LRBA: variants seen among roughly 807,000 people sequenced by gnomAD.
The protein encoded by LRBA is lipopolysaccharide-responsive and beige-like anchor protein.
LRBA carries 176 observed loss-of-function variants against 330.0 expected under a neutral mutation model. That is an observed-to-expected ratio of 0.53 (90% CI 0.47 to 0.60). The LOEUF is 0.60. LRBA is among the 20% of genes least tolerant of loss of function. The pLI, the probability that LRBA is intolerant of heterozygous loss-of-function variation, is 0.00. For missense variants in LRBA, 3,259 were observed against 3,444.8 expected, an observed-to-expected ratio of 0.95 and a Z score of 1.35; for synonymous variants, 1,230 against 1,193.0, an observed-to-expected ratio of 1.03 and a Z score of -0.64.
intron 17 of LRBA, among the ~76,000 whole-genome samples, chr4:150,876,739 A>T (rs562657028): frequency 6.6e-6 from 1 of 152,344 alleles, no homozygotes; most frequent in Admixed American, 6.5e-5. Flanking sequence ...TGTAAGAACA[A>T]CACTTACTAC....
intron 35 of LRBA, among the ~76,000 whole-genome samples, chr4:150,753,620 T>C (rs1202973773): frequency 6.6e-6 from 1 of 152,172 alleles, no homozygotes; most frequent in Non-Finnish European, 1.5e-5. Flanking sequence ...TCACATACAT[T>C]TGGTCTTGGT....
At chr4:150,888,567 T>C (rs1729174274) in intron 17 of LRBA, among the ~76,000 whole-genome samples, 1 of 152,094 alleles carries the variant, frequency 6.6e-6, no homozygotes, top group Non-Finnish European at 1.5e-5. Context: ...AGAGGTAAAA[T>C]ATTAACACTA....
chr4:150,957,540 G>T (rs914085315), intron 2 of LRBA, among the ~76,000 whole-genome samples: 2 of 148,002 alleles, frequency 1.4e-5, no homozygotes, highest in Non-Finnish European at 2.9e-5. Flanking sequence ...TCTGCCCACG[G>T]CCCCTCCCAA....
intron 40 of LRBA, among the ~76,000 whole-genome samples, chr4:150,551,483 A>G (rs1766582873): frequency 6.6e-6 from 1 of 152,078 alleles, no homozygotes; most frequent in Non-Finnish European, 1.5e-5. Context: ...GTCTGAGACC[A>G]GCCTGGGCAA....
At chr4:150,602,460 T>C (rs1774215585) in intron 37 of LRBA, among the ~76,000 whole-genome samples, 1 of 152,268 alleles carries the variant, frequency 6.6e-6, no homozygotes, top group Admixed American at 6.5e-5. Flanking sequence ...ATTTAATAAC[T>C]AGCATATTTA....
At chr4:150,330,910 C>G (rs1291691439) in intron 48 of LRBA, among the ~76,000 whole-genome samples, 2 of 152,100 alleles carry the variant, frequency 1.3e-5, no homozygotes, top group African/African-American at 4.8e-5. Context: ...GGGACAAAAC[C>G]AAGCTTGAGA....
chr4:150,779,221 A>G (rs1297831785), intron 34 of LRBA, among the ~76,000 whole-genome samples: 1 of 152,168 alleles, frequency 6.6e-6, no homozygotes, highest in East Asian at 1.9e-4. Flanking sequence ...TTATTCTTAG[A>G]GACAAATGTT....
intron 36 of LRBA, among the ~76,000 whole-genome samples, chr4:150,696,945 T>C (rs1254598628): frequency 6.7e-6 from 1 of 150,342 alleles, no homozygotes; most frequent in Non-Finnish European, 1.5e-5. Context: ...GCCCAGGAAG[T>C]TGAGGCTGTA....
chr4:150,831,671 C>T (rs1415308989), intron 29 of LRBA, 146 bp downstream of exon 29: 1 of 515,358 alleles, frequency 1.9e-6, no homozygotes, highest in Non-Finnish European at 3.1e-6. Context: ...TAAGCCACAA[C>T]TTTTAGTTAA....
rs147266479 is a variant in LRBA, at chr4:150,828,539, G to C, written c.4812C>G (p.Asp1604Glu). ...SESTSSARRR[D>E]SGIGEETATG... ...TGGCTGTTTCTTCCCCAATGCCTGA[G>C]TCCCTCCTTCGAGCAGATGATGTGC... Residue 1604 changes from aspartate (D) to glutamate (E), a missense_variant, in exon 30 of 57, where the codon GAC becomes GAG. Transcript: ENST00000651943. The C allele has an allele frequency of 3.7e-6, 6 of 1,613,994 alleles. No homozygotes were observed. Among genetic ancestry groups the C allele is most frequent in the Non-Finnish European group, 5.1e-6 (6 of 1,180,016 alleles).
At chr4:150,478,045 G>C (rs528008676) in intron 42 of LRBA, among the ~76,000 whole-genome samples, 1 of 152,098 alleles carries the variant, frequency 6.6e-6, no homozygotes, top group Admixed American at 6.6e-5. Context: ...TTTTGGGAGG[G>C]CAGGGATGTC....
At chr4:150,796,933 C>CCT (rs1420947652) in intron 34 of LRBA, among the ~76,000 whole-genome samples, 4 of 151,790 alleles carry the variant, frequency 2.6e-5, no homozygotes, top group Non-Finnish European at 5.9e-5. Flanking sequence ...TTTATCTAGT[C>CCT]AGCTTTTGAA....
chr4:150,982,502 G>A (rs1740956584), intron 2 of LRBA, among the ~76,000 whole-genome samples: 1 of 151,372 alleles, frequency 6.6e-6, no homozygotes. Flanking sequence ...TTTAAATACA[G>A]TAAGAAGACA....
chr4:150,481,489 T>C (rs758419244), intron 42 of LRBA, among the ~76,000 whole-genome samples: 1 of 152,214 alleles, frequency 6.6e-6, no homozygotes, highest in South Asian at 2.1e-4. Context: ...TGAATATATA[T>C]ATATGTTTCT....
intron 22 of LRBA, among the ~76,000 whole-genome samples, chr4:150,859,004 C>G (rs1259827509): frequency 6.6e-6 from 1 of 152,052 alleles, no homozygotes; most frequent in East Asian, 1.9e-4. Context: ...TTTACCCAAT[C>G]TAAATGGTAG....
intron 37 of LRBA, among the ~76,000 whole-genome samples, chr4:150,641,445 C>T (rs887759684): frequency 2.0e-5 from 3 of 152,102 alleles, no homozygotes; most frequent in African/African-American, 7.2e-5. Context: ...ACACAGGAAT[C>T]ACAACTCTTC....
intron 2 of LRBA, among the ~76,000 whole-genome samples, chr4:150,955,202 T>C (rs1321645831): frequency 6.7e-6 from 1 of 148,276 alleles, no homozygotes; most frequent in Non-Finnish European, 1.5e-5. Flanking sequence ...GCCTGAGAGG[T>C]AGAATCTGCA....
At chr4:151,014,993 C>T (rs546630237) in intron 1 of LRBA, 132 bp from the exon 2 acceptor site, 134 of 196,038 alleles carry the variant, frequency 6.8e-4, no homozygotes, top group Non-Finnish European at 7.4e-4. Flanking sequence ...CCGCTTCTCC[C>T]GGGCTCAAAA....
chr4:150,649,243 A>G lies in LRBA; in HGVS notation c.5921+34308T>C, dbSNP rs1465643862. Among the ~76,000 whole-genome samples, 3 of 152,332 alleles carry G rather than the reference A, an allele frequency of 2.0e-5. No individual in the cohort carries two copies. In the East Asian group the frequency reaches 5.8e-4, roughly 29 times the overall value. On this transcript the variant is annotated intron_variant, in intron 37 of 56. Transcript: ENST00000651943. The stretch of plus-strand genomic sequence containing the variant: ...ATAGTTCTTAAACTGTTCCTGGCTC[A>G]GTAATTTTAAAATGGTTGAGAGAAC...
Sources: gnomAD v4.1 joint callset for allele counts (sites outside exome capture counted in the v4.1 genomes callset) on GRCh38, gnomAD v4.1.1 for gene constraint, MANE v1.5 for transcripts, NCBI Gene and HGNC (gene_info 2026-07-23, HGNC 2026-07-21) for gene names.